KCNIP4: variants seen among roughly 807,000 people sequenced by gnomAD.
KCNIP4 encodes Kv channel-interacting protein 4.
In KCNIP4, 12 loss-of-function variants were observed where a neutral mutation model predicts 34.0. The ratio of observed to expected loss-of-function variants is 0.35; its 90% CI spans 0.23 to 0.57. KCNIP4 has a LOEUF of 0.57. KCNIP4 is among the 20% of genes least tolerant of loss of function. KCNIP4 has a pLI of 0.83. For missense variants in KCNIP4, 238 were observed against 311.7 expected (o/e 0.76, Z 1.78); for synonymous variants, 124 against 102.2 (o/e 1.21, Z -1.29).
chr4:20,864,328 A>T (rs555120503), intron 2 of KCNIP4, among the ~76,000 whole-genome samples: 1 of 150,376 alleles, frequency 6.6e-6, no homozygotes, highest in African/African-American at 2.5e-5. Context: ...GTTTATATGC[A>T]TATGTATGTA....
intron 1 of KCNIP4, among the ~76,000 whole-genome samples, chr4:20,925,204 A>G (rs1729781142): frequency 6.6e-6 from 1 of 152,148 alleles, no homozygotes; most frequent in African/African-American, 2.4e-5. Flanking sequence ...AGGATTCACA[A>G]GTCATATCCA....
intron 1 of KCNIP4, among the ~76,000 whole-genome samples, chr4:21,147,962 A>AAAAAAG (rs1752497659): frequency 2.6e-4 from 32 of 123,906 alleles, no homozygotes; most frequent in African/African-American, 5.4e-4. Flanking sequence ...AAAAAAAAAG[A>AAAAAAG]AAAAAAGTTC....
intron 1 of KCNIP4, among the ~76,000 whole-genome samples, chr4:21,089,934 T>C (rs1046659016): frequency 6.6e-6 from 1 of 152,210 alleles, no homozygotes; most frequent in African/African-American, 2.4e-5. Context: ...TTGTTTTCTG[T>C]CTTCCTGACA....
At chr4:20,895,570 GT>G (rs1294435397) in intron 1 of KCNIP4, among the ~76,000 whole-genome samples, 2 of 152,210 alleles carry the variant, frequency 1.3e-5, no homozygotes, top group East Asian at 3.9e-4. Context: ...CCTTTCCTGA[GT>G]TCTTTTGTGT....
At position 20,828,030 on chromosome 4, in the gene KCNIP4, C is replaced by T. The variant is rs573495189; in HGVS notation, c.288+22513G>A. Reference sequence around the variant, plus strand: ...GGATATCTATTTTTCTCTCATTTTTCCTTATATAATTTGGGAAGTGGAAGG... The same window carrying T: ...GGATATCTATTTTTCTCTCATTTTTTCTTATATAATTTGGGAAGTGGAAGG... On this transcript the variant is annotated intron_variant, in intron 3 of 8. Coordinates refer to ENST00000382152, the MANE Select transcript of KCNIP4 (RefSeq NM_025221.6). Among the ~76,000 whole-genome samples, 5 of 152,004 alleles carry T rather than the reference C, an allele frequency of 3.3e-5. 1 individual carries two copies. In the South Asian group the frequency reaches 8.3e-4, roughly 25 times the overall value.
chr4:21,047,664 T>A (rs1309536792), intron 1 of KCNIP4, among the ~76,000 whole-genome samples: 1 of 152,230 alleles, frequency 6.6e-6, no homozygotes, highest in Non-Finnish European at 1.5e-5. Context: ...ATTGCTGGCC[T>A]ATTTGATTTT....
chr4:21,939,043 T>C (rs1205691681), intron 1 of KCNIP4, among the ~76,000 whole-genome samples: 1 of 152,160 alleles, frequency 6.6e-6, no homozygotes, highest in African/African-American at 2.4e-5. Flanking sequence ...ATCTAAAATT[T>C]TGCTGTAACA....
At chr4:20,840,328 T>A (rs1391764435) in intron 3 of KCNIP4, among the ~76,000 whole-genome samples, 1 of 152,138 alleles carries the variant, frequency 6.6e-6, no homozygotes, top group Non-Finnish European at 1.5e-5. Flanking sequence ...GTCTTGTACA[T>A]CCCCTAGCAA....
chr4:20,856,291 G>A (rs1721562999), intron 2 of KCNIP4, among the ~76,000 whole-genome samples: 1 of 152,172 alleles, frequency 6.6e-6, no homozygotes, highest in Non-Finnish European at 1.5e-5. Context: ...ATCATTTATA[G>A]TGCAAGTTCT....
intron 1 of KCNIP4, among the ~76,000 whole-genome samples, chr4:21,242,716 G>A (rs1425337): frequency 0.1 from 15,650 of 152,018 alleles, 2,589 homozygotes; most frequent in African/African-American, 0.35. Context: ...TACACCATTG[G>A]CTCCTCTGGT....
At chr4:21,281,066 CAA>C (rs1327555055) in intron 1 of KCNIP4, among the ~76,000 whole-genome samples, 1 of 146,794 alleles carries the variant, frequency 6.8e-6, no homozygotes, top group South Asian at 2.1e-4. Context: ...CTATTTTTAA[CAA>C]AAAAAGTTAC....
At chr4:21,819,371 A>G (rs1396137617) in intron 1 of KCNIP4, among the ~76,000 whole-genome samples, 1 of 152,156 alleles carries the variant, frequency 6.6e-6, no homozygotes, top group Non-Finnish European at 1.5e-5. Context: ...AGATTTCTTC[A>G]GTCTTCACCT....
At chr4:20,956,791 A>G (rs1165736848) in intron 1 of KCNIP4, among the ~76,000 whole-genome samples, 6 of 152,204 alleles carry the variant, frequency 3.9e-5, no homozygotes. Context: ...AATGGCCGCT[A>G]TTTACAAATT....
intron 1 of KCNIP4, among the ~76,000 whole-genome samples, chr4:21,048,309 A>G (rs148861700): frequency 3.9e-5 from 6 of 152,210 alleles, no homozygotes; most frequent in African/African-American, 9.6e-5. Context: ...CTCTAAAGAG[A>G]AGATGACAAG....
chr4:21,299,969 TAAG>T (rs1267473281), intron 1 of KCNIP4, among the ~76,000 whole-genome samples: 3 of 152,168 alleles, frequency 2.0e-5, no homozygotes, highest in Admixed American at 1.3e-4. Context: ...GTCCTTACCC[TAAG>T]AAGGACTTAG....
chr4:21,585,561 T>C (rs773996061), intron 1 of KCNIP4, among the ~76,000 whole-genome samples: 1 of 152,082 alleles, frequency 6.6e-6, no homozygotes, highest in Non-Finnish European at 1.5e-5. Context: ...ATCTGAAGCA[T>C]CCTCTCTGCT....
At chr4:21,100,486 G>C in intron 1 of KCNIP4, among the ~76,000 whole-genome samples, 1 of 152,176 alleles carries the variant, frequency 6.6e-6, no homozygotes. Context: ...CTGGGAGGCA[G>C]AGGTTGCAGT....
intron 1 of KCNIP4, among the ~76,000 whole-genome samples, chr4:21,725,775 T>C (rs1715151389): frequency 6.6e-6 from 1 of 152,140 alleles, no homozygotes; most frequent in Non-Finnish European, 1.5e-5. Flanking sequence ...TGAAGACTGT[T>C]TTATTCTTGG....
intron 1 of KCNIP4, among the ~76,000 whole-genome samples, chr4:20,906,985 G>A (rs1727835300): frequency 6.6e-6 from 1 of 152,178 alleles, no homozygotes; most frequent in Non-Finnish European, 1.5e-5. Context: ...GTTCTGATGT[G>A]TTTATTGTTG....
Sources: gnomAD v4.1 joint callset for allele counts (sites outside exome capture counted in the v4.1 genomes callset) on GRCh38, gnomAD v4.1.1 for gene constraint, MANE v1.5 for transcripts, NCBI Gene and HGNC (gene_info 2026-07-23, HGNC 2026-07-21) for gene names.